UTY: variants seen among roughly 807,000 people sequenced by gnomAD.
The protein encoded by UTY is histone demethylase UTY.
Under a neutral mutation model 32.5 loss-of-function variants are expected in UTY, and 12 were observed. The ratio of observed to expected loss-of-function variants is 0.37; its 90% confidence interval spans 0.24 to 0.60. The LOEUF (loss-of-function observed/expected upper bound fraction) is 0.60. Ranked by LOEUF, UTY falls within the 20% of genes least tolerant of loss-of-function variation. UTY has a pLI of 0.69. For synonymous variants in UTY, 131 were observed against 103.4 expected, an observed-to-expected ratio of 1.27 and a Z score of -1.62; for missense variants, 303 against 299.2, an observed-to-expected ratio of 1.01 and a Z score of -0.09.
chrY:13,439,856 A>C, intron 4 of UTY, among the ~76,000 whole-genome samples: 1 of 33,411 alleles, frequency 3.0e-5, no homozygotes, highest in African/African-American at 1.2e-4. Flanking sequence ...TAACTAGCCC[A>C]GTTCACCCAT....
Position 13,298,979 on chromosome Y carries a change from G to A in UTY, c.3846C>T (p.Ala1282=). The part of the protein sequence containing the change: ...VQAVGWCNNI[A]WNVGPLTACQ... Reference sequence around the variant, plus strand: ...TACCTGTAAGTGGACCAACATTCCAGGCAATGTTATTGCACCAGCCAACAG... The same window carrying A: ...TACCTGTAAGTGGACCAACATTCCAAGCAATGTTATTGCACCAGCCAACAG... Residue 1282 remains alanine, a synonymous_variant, in exon 26 of 30, where the codon GCC becomes GCT. Coordinates refer to ENST00000545955, the MANE Select transcript of UTY (RefSeq NM_001258249.2). 3 of 394,964 alleles carry A rather than the reference G, an allele frequency of 7.6e-6. No homozygotes were observed. Among genetic ancestry groups the A allele is most frequent in the South Asian group, 6.0e-5 (2 of 33,471 alleles).
chrY:13,244,814 C>T (rs775881021), downstream of UTY, among the ~76,000 whole-genome samples: 35 of 33,376 alleles, frequency 1.0e-3, no homozygotes, highest in African/African-American at 3.7e-3. Context: ...TTTTCTGTAG[C>T]CCTAGACAAG....
chrY:13,376,069 C>T (rs751260328), intron 8 of UTY, among the ~76,000 whole-genome samples: 2 of 33,387 alleles, frequency 6.0e-5, no homozygotes, highest in South Asian at 1.3e-3. Context: ...AACATCTTTT[C>T]ATGTTATGTG....
At chrY:13,329,192 G>A in intron 18 of UTY, among the ~76,000 whole-genome samples, 2 of 33,165 alleles carry the variant, frequency 6.0e-5, no homozygotes, top group Non-Finnish European at 1.5e-4. Context: ...CACAGTATGA[G>A]GAAAAGAGTT....
chrY:13,480,182 C>A (rs2079571598), upstream of UTY: 1 of 38,259 alleles, frequency 2.6e-5, no homozygotes, highest in Admixed American at 2.4e-4. Context: ...TTGATGGTCA[C>A]GTCTATGGAG....
chrY:13,445,590 A>T (rs2075673423), intron 4 of UTY, among the ~76,000 whole-genome samples: 1 of 29,419 alleles, frequency 3.4e-5, no homozygotes. Context: ...AAAGCATGTT[A>T]AAAAAAAAAC....
At chrY:13,467,655 G>A in intron 3 of UTY, among the ~76,000 whole-genome samples, 1 of 31,480 alleles carries the variant, frequency 3.2e-5, no homozygotes, top group Admixed American at 2.9e-4. Flanking sequence ...TGTAATCCCA[G>A]CTACTCAGGG....
intron 4 of UTY, among the ~76,000 whole-genome samples, chrY:13,415,230 G>A (rs1007717429): frequency 3.3e-4 from 11 of 33,038 alleles, no homozygotes; most frequent in Non-Finnish European, 5.2e-4. Flanking sequence ...TGTACAAAAC[G>A]TTTAATAATT....
intron 21 of UTY, among the ~76,000 whole-genome samples, chrY:13,306,724 G>A (rs764970572): frequency 3.1e-5 from 1 of 31,934 alleles, no homozygotes; most frequent in Non-Finnish European, 7.6e-5. Context: ...TTTTTGAGCC[G>A]GAGCCTCACT....
At chrY:13,382,080 G>C in intron 8 of UTY, among the ~76,000 whole-genome samples, 10 of 32,498 alleles carry the variant, frequency 3.1e-4, no homozygotes, top group Admixed American at 2.8e-3. Context: ...TTTAAAAAAA[G>C]CAGGAAACAC....
At chrY:13,381,427 G>A in intron 8 of UTY, among the ~76,000 whole-genome samples, 1 of 34,237 alleles carries the variant, frequency 2.9e-5, no homozygotes, top group African/African-American at 1.1e-4. Flanking sequence ...AGGATGCTAA[G>A]GCAAGAGAAT....
intron 7 of UTY, among the ~76,000 whole-genome samples, chrY:13,394,465 G>C: frequency 2.1e-4 from 7 of 33,014 alleles, no homozygotes; most frequent in Admixed American, 2.8e-4. Flanking sequence ...TACCTGAAGA[G>C]CAAGACTTCA....
intron 4 of UTY, among the ~76,000 whole-genome samples, chrY:13,425,501 T>G: frequency 3.0e-5 from 1 of 33,642 alleles, no homozygotes; most frequent in African/African-American, 1.2e-4. Context: ...AGAAACACAT[T>G]AAAGAGACCA....
chrY:13,311,371 G>A, intron 21 of UTY, among the ~76,000 whole-genome samples: 1 of 31,991 alleles, frequency 3.1e-5, no homozygotes, highest in South Asian at 7.0e-4. Flanking sequence ...CGAGGCGGGC[G>A]GATCACGAGG....
chrY:13,335,606 C>G lies in UTY; in HGVS notation c.2791G>C (p.Val931Leu). The change falls in exon 18 of 30, where the codon GTG (valine) becomes CTG (leucine). Residue 931 changes from valine to leucine, a missense_variant. Physicochemically the swap from Val to Leu is conservative, Grantham distance 32. Coordinates refer to ENST00000545955, the MANE Select transcript of UTY (RefSeq NM_001258249.2). ...STSQILPSMSVSICPSSTEVL... is the reference protein window; with the variant it reads ...STSQILPSMSLSICPSSTEVL... ...TCTGTTGAACTGGGGCATATAGACA[C>G]TGACATTGATGGTAAGATCTGAGAA... 2.5e-6 allele frequency: 1 copy of G among 398,844 alleles called. No homozygotes were observed. Among genetic ancestry groups the G allele is most frequent in the Non-Finnish European group, 3.5e-6 (1 of 283,593 alleles).
At chrY:13,349,025 T>C in intron 17 of UTY, among the ~76,000 whole-genome samples, 1 of 32,584 alleles carries the variant, frequency 3.1e-5, no homozygotes, top group Admixed American at 2.8e-4. Flanking sequence ...TTTTTGAGAG[T>C]TAGAAGCTTC....
chrY:13,421,142 A>C, intron 4 of UTY, among the ~76,000 whole-genome samples: 1 of 33,564 alleles, frequency 3.0e-5, no homozygotes, highest in Non-Finnish European at 7.4e-5. Flanking sequence ...ATCACTGATT[A>C]TTAGAGAAAA....
intron 14 of UTY, 53 bp downstream of exon 14, chrY:13,358,411 A>C: frequency 2.7e-6 from 1 of 369,950 alleles, no homozygotes; most frequent in South Asian, 3.4e-5. Context: ...ATTTCAGAAG[A>C]GTTAGTTTCA....
Position 13,335,996 on chromosome Y carries a change from T to G in UTY, c.2401A>C (p.Ile801Leu). The G allele has an allele frequency of 2.5e-6, 1 of 399,185 alleles. No individual in the cohort carries two copies. Among genetic ancestry groups the G allele is most frequent in the Non-Finnish European group, 3.5e-6 (1 of 283,658 alleles). Reference protein sequence around the residue: ...KGLSNHVHQLIADAVSSPNHG... With the variant: ...KGLSNHVHQLLADAVSSPNHG... ...TTAGGACTGGAAACAGCATCTGCTA[T>G]CAACTGATGAACATGATTAGAAAGT... Residue 801 changes from isoleucine to leucine, a missense_variant, in exon 18 of 30, where the codon ATA becomes CTA. Transcript: ENST00000545955.
Sources: allele counts gnomAD v4.1 joint callset (sites outside exome capture counted in the v4.1 genomes callset), GRCh38; gene constraint gnomAD v4.1.1; transcripts MANE v1.5; gene names NCBI Gene and HGNC (gene_info 2026-07-23, HGNC 2026-07-21).